Variants in NUTM2B observed in about 807,000 individuals in gnomAD.
NUTM2B encodes the protein NUT family member 2B, also known as family with sequence similarity 22, member B.
Under a neutral mutation model 42.4 loss-of-function variants are expected in NUTM2B, and 2 were observed. The ratio of observed to expected loss-of-function variants is 0.05; its 90% confidence interval spans 0.02 to 0.15. The LOEUF (loss-of-function observed/expected upper bound fraction) is 0.15, where lower values mean the gene tolerates loss of function less well. Ranked by LOEUF, NUTM2B falls within the 10% of genes least tolerant of loss-of-function variation. The pLI is 1.00. For synonymous variants in NUTM2B, 18 were observed against 402.4 expected (o/e 0.04, Z 11.43); for missense variants, 58 against 952.6 (o/e 0.06, Z 12.36).
At chr10:79,700,299 C>T (rs1209866996), upstream of NUTM2B, among the ~76,000 whole-genome samples, 4 of 152,092 alleles carry the variant, frequency 2.6e-5, no homozygotes, top group Admixed American at 1.3e-4. Flanking sequence ...CACTGTTTTA[C>T]GGGGACAGGA....
chr10:79,694,110 C>T, the NUTM2B span, among the ~76,000 whole-genome samples: 2 of 151,728 alleles, frequency 1.3e-5, no homozygotes, highest in Non-Finnish European at 2.9e-5. Context: ...CAATCAGAAA[C>T]AAGCTGGCCA....
chr10:79,709,332 ACAG>A (rs1273041275), intron 3 of NUTM2B, among the ~76,000 whole-genome samples: 2 of 135,858 alleles, frequency 1.5e-5, no homozygotes, highest in Non-Finnish European at 3.1e-5. Context: ...AGACAGATAG[ACAG>A]CAGCCTCAGG....
chr10:79,700,987 G>A (rs1156718443), upstream of NUTM2B, among the ~76,000 whole-genome samples: 2 of 152,180 alleles, frequency 1.3e-5, no homozygotes, highest in Admixed American at 1.3e-4. Flanking sequence ...CCTAATTTTC[G>A]GTAATACAAA....
chr10:79,700,390 G>A (rs372163156), upstream of NUTM2B, among the ~76,000 whole-genome samples: 36 of 152,376 alleles, frequency 2.4e-4, no homozygotes, highest in East Asian at 5.8e-3. Flanking sequence ...AATGTGAAAG[G>A]CACGGCCGAG....
the NUTM2B span, among the ~76,000 whole-genome samples, chr10:79,693,396 G>A: frequency 6.6e-6 from 1 of 152,212 alleles, no homozygotes; most frequent in East Asian, 1.9e-4. Context: ...ACAGTCAGAG[G>A]CTTCTAAGGG....
At chr10:79,709,824 G>T (rs1840456983) in exon 4 of NUTM2B, 1 of 1,033,558 alleles carries the variant, frequency 9.7e-7, no homozygotes, top group East Asian at 3.7e-5. Flanking sequence ...AGGCTGAGGA[G>T]GAGATGCAGA....
the NUTM2B span, among the ~76,000 whole-genome samples, chr10:79,694,458 G>A: frequency 3.9e-5 from 6 of 151,990 alleles, no homozygotes; most frequent in Admixed American, 2.0e-4. Context: ...GCTGAGATGC[G>A]CTTGCCACTC....
At chr10:79,705,235 A>G (rs1348844919) in intron 1 of NUTM2B, among the ~76,000 whole-genome samples, 2 of 141,680 alleles carry the variant, frequency 1.4e-5, no homozygotes, top group Non-Finnish European at 3.0e-5. Context: ...GCTGCTCGCC[A>G]TTTGCTGGCT....
At position 79,711,833 on chromosome 10, in the gene NUTM2B, AC is replaced by A. The variant is rs777344423; in HGVS notation, c.1990del (p.Gln664AsnfsTer13). 1.3e-6 allele frequency: 2 copies of A among 1,586,248 alleles called. No individual in the cohort carries two copies. The highest frequency in any genetic ancestry group is 2.9e-5 in the African/African-American group (2 of 69,136). ...CAAGGAGCAGAGAGAGACGTCCCTGACCCCCAACAAGGGGTTGGCATGGAAA... is the reference window on the plus strand; with the variant it reads ...CAAGGAGCAGAGAGAGACGTCCCTGACCCCAACAAGGGGTTGGCATGGAAA... On this transcript the variant is annotated frameshift_variant, in exon 7 of 7. Transcript: ENST00000429828. LOFTEE classifies it low-confidence loss of function (END_TRUNC).
chr10:79,709,943 T>G lies in NUTM2B; in HGVS notation c.1351+4T>G. 1 of 566,864 alleles carries G rather than the reference T, an allele frequency of 1.8e-6. No homozygotes were observed. The highest frequency in any genetic ancestry group is 2.6e-6 in the Non-Finnish European group (1 of 378,474). The allele number at this position is 566,864 out of a possible 1,614,324, so 35.1% of individuals were successfully genotyped here. On this transcript the variant is annotated splice_donor_region_variant and intron_variant, in intron 4 of 6. Coordinates refer to ENST00000429828, the Ensembl canonical transcript of NUTM2B. Reference sequence around the variant, plus strand: ...CCTGAGGTGGTCAAGCAGCCAGGTATGGCTTCCCACATTCCCACAGGAGCC... The same window carrying G: ...CCTGAGGTGGTCAAGCAGCCAGGTAGGGCTTCCCACATTCCCACAGGAGCC...
chr10:79,692,881 T>A, the NUTM2B span, among the ~76,000 whole-genome samples: 1 of 152,152 alleles, frequency 6.6e-6, no homozygotes, highest in African/African-American at 2.4e-5. Context: ...ACTCAAAGGA[T>A]GGTTGAATAA....
the NUTM2B span, among the ~76,000 whole-genome samples, chr10:79,694,580 C>A: frequency 2.0e-5 from 3 of 152,206 alleles, no homozygotes; most frequent in African/African-American, 7.2e-5. Context: ...GCTCCCAGCA[C>A]CCCTAAGGAC....
rs1213044700 is a variant in NUTM2B at position 79,706,142 on chromosome 10, C to CG, written c.486dup (p.Pro163AlafsTer108). 13 of 1,599,272 alleles carry CG rather than the reference C, an allele frequency of 8.1e-6. No individual in the cohort carries two copies. In the East Asian group the frequency reaches 2.5e-4, roughly 30 times the overall value. ...CCACACCCGCTCCCGGCCCAGCACA[C>CG]GGGCCGCTCCTTGTGACTGCAGGGG... On this transcript the variant is annotated frameshift_variant, in exon 2 of 7. Transcript: ENST00000429828. LOFTEE classifies it high-confidence loss of function.
upstream of NUTM2B, among the ~76,000 whole-genome samples, chr10:79,700,785 G>A (rs1440524338): frequency 1.3e-5 from 2 of 152,218 alleles, no homozygotes; most frequent in Non-Finnish European, 2.9e-5. Flanking sequence ...CCTCGCGCTG[G>A]AACCTCGCCC....
the NUTM2B span, among the ~76,000 whole-genome samples, chr10:79,694,162 C>T: frequency 1.3e-5 from 2 of 152,110 alleles, no homozygotes; most frequent in African/African-American, 2.4e-5. Flanking sequence ...CTTTGGGAGG[C>T]CGAGGCAGGT....
chr10:79,695,661 G>C, the NUTM2B span, among the ~76,000 whole-genome samples: 37 of 151,964 alleles, frequency 2.4e-4, no homozygotes, highest in African/African-American at 8.7e-4. Context: ...GGGTGTCCTC[G>C]TCACTCGCCA....
chr10:79,700,524 C>T (rs1198050591), upstream of NUTM2B, among the ~76,000 whole-genome samples: 1,499 of 148,718 alleles, frequency 0.01, 2 homozygotes, highest in African/African-American at 0.019. Flanking sequence ...TATGAACGCT[C>T]CCGCCTTGAG....
upstream of NUTM2B, among the ~76,000 whole-genome samples, chr10:79,702,095 A>G (rs1219354459): frequency 1.3e-5 from 2 of 150,648 alleles, no homozygotes; most frequent in Admixed American, 1.3e-4. Flanking sequence ...ATGGTAAAAG[A>G]TCAAGTCCTC....
upstream of NUTM2B, among the ~76,000 whole-genome samples, chr10:79,699,426 C>G (rs1437841389): frequency 6.6e-6 from 1 of 151,936 alleles, no homozygotes; most frequent in African/African-American, 2.4e-5. Context: ...CACACTCTCA[C>G]AAAAACAGTT....
Sources: gnomAD v4.1 joint callset for allele counts (sites outside exome capture counted in the v4.1 genomes callset) on GRCh38, gnomAD v4.1.1 for gene constraint, MANE v1.5 for transcripts, NCBI Gene and HGNC (gene_info 2026-07-23, HGNC 2026-07-21) for gene names.